GRAMD1A: variants seen among roughly 807,000 people sequenced by gnomAD.
GRAMD1A encodes the protein protein Aster-A.
A neutral mutation model predicts 92.0 loss-of-function variants in GRAMD1A; 50 were observed. That is an observed-to-expected ratio of 0.54 (90% CI 0.43 to 0.69). The LOEUF is 0.69. GRAMD1A is among the 30% of genes least tolerant of loss of function. GRAMD1A has a pLI of 0.00. For missense variants in GRAMD1A, 819 were observed against 978.9 expected, an observed-to-expected ratio of 0.84 and a Z score of 2.18; for synonymous variants, 405 against 403.6, an observed-to-expected ratio of 1.00 and a Z score of -0.04.
chr19:34,996,047 C>A, upstream of GRAMD1A: 1 of 1,535,616 alleles, frequency 6.5e-7, no homozygotes, highest in Non-Finnish European at 8.7e-7. Context: ...GCCCCTGATG[C>A]CTTGGGAGAC....
rs917387191 is a variant in GRAMD1A at position 35,000,514 on chromosome 19, G to A, written c.8+28G>A. The A allele has an allele frequency of 7.9e-7, 1 of 1,261,496 alleles. No individual in the cohort carries two copies. 78.1% of individuals were successfully genotyped at this position (1,261,496 alleles called of 1,614,324 possible). On this transcript the variant is annotated intron_variant, in intron 1 of 19. Transcript: ENST00000317991. This position sits in a 1 kb window ranked among gnomAD's most constrained non-coding sequence, Gnocchi z 4.9. ...AAGGACCGGGCGACTAGAGCTCAGG[G>A]ACCGGGCGCGCGGGGGAGGCCACCG...
At chr19:34,997,097 A>G (rs2014066873), upstream of GRAMD1A, among the ~76,000 whole-genome samples, 1 of 151,946 alleles carries the variant, frequency 6.6e-6, no homozygotes, top group East Asian at 1.9e-4. Flanking sequence ...TATTTTTAGT[A>G]GAGACGAGGT....
At chr19:35,005,752 C>T (rs2151705059) in intron 1 of GRAMD1A, among the ~76,000 whole-genome samples, 1 of 152,298 alleles carries the variant, frequency 6.6e-6, no homozygotes, top group Admixed American at 6.5e-5. Context: ...GACCCACAGA[C>T]CCGTGAAGGA....
At chr19:35,006,349 C>T (rs1273380578) in intron 1 of GRAMD1A, among the ~76,000 whole-genome samples, 1 of 152,130 alleles carries the variant, frequency 6.6e-6, no homozygotes, top group East Asian at 1.9e-4. Context: ...AGAAAGAAAC[C>T]AGGCCCGTAT....
rs745792117 is a variant in GRAMD1A at position 35,010,159 on chromosome 19, C to T, written c.393C>T (p.Ile131=). The T allele has an allele frequency of 1.9e-6, 3 of 1,613,232 alleles. No individual in the cohort carries two copies. The East Asian group carries it at 6.7e-5, about 36-fold the overall frequency. ...QGRLYLSENW[I]CFYSNIFRWE... ...GCCTCTACCTCTCTGAGAACTGGAT[C>T]TGCTTCTACAGCAACATCTTCCGCT... The change falls in exon 5 of 20, where the codon ATC becomes ATT. Residue 131 remains isoleucine (I), a synonymous_variant. Coordinates refer to ENST00000317991, the MANE Select transcript of GRAMD1A (RefSeq NM_020895.5).
upstream of GRAMD1A, among the ~76,000 whole-genome samples, chr19:34,995,569 G>A (rs2013991266): frequency 5.3e-5 from 2 of 37,508 alleles, no homozygotes; most frequent in East Asian, 4.2e-4. Flanking sequence ...CTCAGATCAC[G>A]GGTTTTTTTT....
upstream of GRAMD1A, chr19:35,000,257 G>A: frequency 9.7e-7 from 1 of 1,026,934 alleles, no homozygotes; most frequent in Non-Finnish European, 1.2e-6. This position sits in a 1 kb window ranked among gnomAD's most constrained non-coding sequence, Gnocchi z 4.9. Context: ...GCGGCGCCGT[G>A]ACGCGGCGGG....
At chr19:35,018,215 T>C (rs2015780258) in intron 11 of GRAMD1A, among the ~76,000 whole-genome samples, 1 of 152,180 alleles carries the variant, frequency 6.6e-6, no homozygotes, top group Admixed American at 6.5e-5. Flanking sequence ...TTCAAACTCT[T>C]GACCTCAGGT....
At chr19:34,998,021 T>A (rs902306630), upstream of GRAMD1A, among the ~76,000 whole-genome samples, 7 of 140,606 alleles carry the variant, frequency 5.0e-5, no homozygotes, top group Non-Finnish European at 1.1e-4. Flanking sequence ...TGAGCCAAGA[T>A]CGAGCCACTG....
chr19:35,006,111 T>C (rs2151705629), intron 1 of GRAMD1A, among the ~76,000 whole-genome samples: 1 of 152,318 alleles, frequency 6.6e-6, no homozygotes, highest in East Asian at 1.9e-4. Flanking sequence ...GTGGATTGCC[T>C]GAGCTCAGGA....
At position 35,013,614 on chromosome 19, in the gene GRAMD1A, G is replaced by A. The variant is rs1244979827; in HGVS notation, c.793G>A (p.Glu265Lys). Residue 265 changes from glutamate (E) to lysine (K), a missense_variant, in exon 9 of 20, where the codon GAG (glutamate) becomes AAG (lysine). Physicochemically the swap from Glu to Lys is moderately conservative, Grantham distance 56 (BLOSUM62 1). Transcript: ENST00000317991. The surrounding 1 kb of genome is among the most constrained non-coding windows in gnomAD (Gnocchi z 4.9). ...CTCGGGGGCAGCTGACCGCAGCCAG[G>A]AGCCAAGCCCAGTGGGTTCGCGCCG... ...TSSGAADRSQEPSPVGSRRGH... is the reference protein window; with the variant it reads ...TSSGAADRSQKPSPVGSRRGH... 1 of 1,613,618 alleles carries A rather than the reference G, an allele frequency of 6.2e-7. No homozygotes were observed. The highest frequency in any genetic ancestry group is 8.5e-7 in the Non-Finnish European group (1 of 1,179,926).
Position 35,000,696 on chromosome 19 carries a change from G to T in GRAMD1A, c.8+210G>T, listed in dbSNP as rs1452923989. Among the ~76,000 whole-genome samples the T allele has an allele frequency of 9.2e-5, 14 of 151,974 alleles. No homozygotes were observed. Among genetic ancestry groups the T allele is most frequent in the Admixed American group, 9.2e-4 (14 of 15,272 alleles). On this transcript the variant is annotated intron_variant, in intron 1 of 19. Coordinates refer to ENST00000317991, the MANE Select transcript of GRAMD1A (RefSeq NM_020895.5). The surrounding 1 kb of genome is among the most constrained non-coding windows in gnomAD (Gnocchi z 4.9). ...GCTGGGGAGTGGGGCGCGGACGCAG[G>T]GCAGGGCCCGGGGTCTGGGTCGCCA...
At chr19:35,023,386 G>A (rs752272559) in intron 18 of GRAMD1A, 41 bp from the exon 19 acceptor site, 51 of 1,612,892 alleles carry the variant, frequency 3.2e-5, no homozygotes, top group Non-Finnish European at 4.0e-5. Flanking sequence ...TGGGCACATC[G>A]GGGGAGGCCA....
chr19:34,994,862 C>T (rs1321672471), intron 1 of GRAMD1A: 1 of 152,304 alleles, frequency 6.6e-6, no homozygotes. Context: ...CTGGGAAGAT[C>T]CAAGCCCGGC....
chr19:35,011,589 G>C, intron 7 of GRAMD1A, 35 bp downstream of exon 7: 2 of 1,464,380 alleles, frequency 1.4e-6, no homozygotes, highest in East Asian at 2.3e-5. Context: ...GGGATGGGGG[G>C]TTTCCAGGGG....
intron 3 of GRAMD1A, 173 bp downstream of exon 3, chr19:35,009,616 C>G (rs763522094): frequency 7.1e-6 from 5 of 699,446 alleles, no homozygotes; most frequent in Non-Finnish European, 1.3e-5. Flanking sequence ...GTTACTTAAC[C>G]TCTCTGGGCC....
chr19:35,019,366 G>A lies in GRAMD1A; in HGVS notation c.1333-25G>A, dbSNP rs574347080. 9.9e-6 allele frequency: 16 copies of A among 1,613,586 alleles called. No individual in the cohort carries two copies. The Admixed American group carries it at 1.7e-4, about 17-fold the overall frequency. ...GCAGCTGGGTGAGTGGGGTGGCCCT[G>A]ACTTCTCCGGCTCTGTCCCTGCAGA... On this transcript the variant is annotated intron_variant, in intron 12 of 19. Transcript: ENST00000317991.
chr19:34,996,243 G>A (rs1049331924), upstream of GRAMD1A: 27 of 1,535,290 alleles, frequency 1.8e-5, no homozygotes, highest in Middle Eastern at 1.2e-3. Flanking sequence ...ACCCCCCGAC[G>A]CCGGCAGCAG....
chr19:35,026,254 G>A lies in GRAMD1A; in HGVS notation c.*113G>A, dbSNP rs572598093. 4 of 653,686 alleles carry A rather than the reference G, an allele frequency of 6.1e-6. No individual in the cohort carries two copies. The East Asian group carries it at 1.1e-4, about 18-fold the overall frequency. The allele number at this position is 653,686 out of a possible 1,614,324, so 40.5% of individuals were successfully genotyped here. On this transcript the variant is annotated 3_prime_UTR_variant, in exon 20 of 20. Transcript: ENST00000317991. ...GCATCTCCCACCCGCCCCTCCCGACGGCCCAACCAGGGGCTGTGCAGACGT... is the reference window on the plus strand; with the variant it reads ...GCATCTCCCACCCGCCCCTCCCGACAGCCCAACCAGGGGCTGTGCAGACGT...
Sources: allele counts gnomAD v4.1 joint callset (sites outside exome capture counted in the v4.1 genomes callset), GRCh38; gene constraint gnomAD v4.1.1; non-coding constraint Gnocchi (gnomAD v3.1); transcripts MANE v1.5; gene names NCBI Gene and HGNC (gene_info 2026-07-23, HGNC 2026-07-21).